SLC38A9: variants seen among roughly 807,000 people sequenced by gnomAD.
The protein encoded by SLC38A9 is solute carrier family 38 member 9.
SLC38A9 carries 48 observed loss-of-function variants against 62.3 expected under a neutral mutation model. The observed-to-expected ratio is 0.77, with a 90% CI of 0.61 to 0.98. SLC38A9 has a LOEUF of 0.98. Ranked by LOEUF, SLC38A9 falls within the 50% of genes least tolerant of loss-of-function variation. The probability of loss-of-function intolerance (pLI) is 0.00; values close to 1 mark genes in which losing one functional copy is unlikely to be tolerated. For missense variants in SLC38A9, 541 were observed against 679.8 expected, an observed-to-expected ratio of 0.80 and a Z score of 2.27; for synonymous variants, 204 against 227.7, an observed-to-expected ratio of 0.90 and a Z score of 0.94.
intron 12 of SLC38A9, among the ~76,000 whole-genome samples, chr5:55,644,332 CTATT>C (rs1745931844): frequency 3.8e-5 from 1 of 26,356 alleles, no homozygotes; most frequent in Non-Finnish European, 1.3e-4. Flanking sequence ...TACTATGTTG[CTATT>C]TGTTTTCTAT....
intron 12 of SLC38A9, among the ~76,000 whole-genome samples, 189 bp downstream of exon 12, chr5:55,645,600 C>A (rs1429289777): frequency 6.6e-6 from 1 of 152,174 alleles, no homozygotes; most frequent in Non-Finnish European, 1.5e-5. Context: ...GCCTACAAGG[C>A]CTGAAATATT....
intron 8 of SLC38A9, among the ~76,000 whole-genome samples, chr5:55,662,020 G>A (rs892139735): frequency 6.6e-6 from 1 of 152,102 alleles, no homozygotes; most frequent in African/African-American, 2.4e-5. Flanking sequence ...GTGGAACAAG[G>A]GTAACTTTCA....
intron 2 of SLC38A9, among the ~76,000 whole-genome samples, chr5:55,706,321 A>G (rs1319745130): frequency 6.6e-6 from 1 of 152,234 alleles, no homozygotes; most frequent in East Asian, 1.9e-4. Context: ...ACTCTGTAGT[A>G]TTGGTTCCTA....
chr5:55,676,712 G>A (rs1224697891), intron 3 of SLC38A9, among the ~76,000 whole-genome samples: 2 of 151,888 alleles, frequency 1.3e-5, no homozygotes, highest in East Asian at 1.9e-4. Context: ...CTTTTTCTAC[G>A]ACGACACATA....
intron 3 of SLC38A9, chr5:55,691,113 AC>A (rs1288616554): frequency 1.4e-6 from 1 of 702,944 alleles, no homozygotes; most frequent in Non-Finnish European, 2.6e-6. Context: ...CCTGTACCCC[AC>A]TTGGCTTATC....
At chr5:55,661,498 A>G (rs1174463383) in intron 8 of SLC38A9, among the ~76,000 whole-genome samples, 2 of 150,598 alleles carry the variant, frequency 1.3e-5, no homozygotes, top group African/African-American at 4.9e-5. Context: ...AATGATATCA[A>G]TTCTCTCCAC....
intron 3 of SLC38A9, chr5:55,696,736 C>CTGGG (rs1389250329): frequency 6.8e-6 from 1 of 147,114 alleles, no homozygotes; most frequent in African/African-American, 2.5e-5. Flanking sequence ...GGGGTGGCTG[C>CTGGG]CGGGCGGAGA....
rs1401955948 is a variant in SLC38A9 at position 55,687,283 on chromosome 5, C to T, written c.113+10563G>A. Among the ~76,000 whole-genome samples, 30 of 150,660 alleles carry T rather than the reference C, an allele frequency of 2.0e-4. No homozygotes were observed. In the East Asian group the frequency reaches 3.7e-3, roughly 19 times the overall value. On this transcript the variant is annotated intron_variant, in intron 3 of 15. Transcript: ENST00000396865. ...TCTACTAAAAATACAAAAAATTAGC[C>T]GGGCGCAGTGGCGGGCGCCTGTGGT...
chr5:55,632,058 C>T (rs1743560670), intron 14 of SLC38A9, among the ~76,000 whole-genome samples: 1 of 152,072 alleles, frequency 6.6e-6, no homozygotes, highest in African/African-American at 2.4e-5. Flanking sequence ...ACAATTATAG[C>T]AGTAATTTAA....
rs1747734160 is a variant in SLC38A9 at position 55,652,690 on chromosome 5, G to A, written c.791C>T (p.Pro264Leu). Reference protein sequence around the residue: ...ICPSAGSGGHPDNSSMIFYAN... With the variant: ...ICPSAGSGGHLDNSSMIFYAN... The stretch of plus-strand genomic sequence containing the variant: ...ATAGAAAATCATAGAGCTGTTGTCA[G>A]GATGGCCTCCACTCCCGGCACTTGG... The change falls in exon 10 of 16, where the codon CCT becomes CTT. Residue 264 changes from proline (P) to leucine (L), a missense_variant. By Grantham distance (98) the Pro-to-Leu change is moderately conservative (BLOSUM62 -3). Coordinates refer to ENST00000396865, the MANE Select transcript of SLC38A9 (RefSeq NM_173514.4). The A allele has an allele frequency of 1.9e-6, 3 of 1,613,046 alleles. No individual in the cohort carries two copies. Among genetic ancestry groups the A allele is most frequent in the Non-Finnish European group, 2.5e-6 (3 of 1,179,368 alleles).
chr5:55,639,104 T>C (rs1243309921), intron 12 of SLC38A9, among the ~76,000 whole-genome samples: 1 of 151,820 alleles, frequency 6.6e-6, no homozygotes, highest in African/African-American at 2.4e-5. Context: ...GATCACCCCA[T>C]TTCTACTAAA....
intron 8 of SLC38A9, among the ~76,000 whole-genome samples, chr5:55,663,618 A>T (rs1749997292): frequency 6.6e-6 from 1 of 152,056 alleles, no homozygotes; most frequent in Non-Finnish European, 1.5e-5. Context: ...CTGTAATCCC[A>T]GCTACTCGGA....
intron 3 of SLC38A9, among the ~76,000 whole-genome samples, chr5:55,679,887 G>A (rs968563701): frequency 6.6e-6 from 1 of 152,218 alleles, no homozygotes; most frequent in Non-Finnish European, 1.5e-5. Context: ...TTATTAGGAT[G>A]TCAAAATAAA....
At chr5:55,643,304 G>T (rs1745736092) in intron 12 of SLC38A9, among the ~76,000 whole-genome samples, 1 of 152,156 alleles carries the variant, frequency 6.6e-6, no homozygotes, top group African/African-American at 2.4e-5. Flanking sequence ...GGTTATTTAA[G>T]AGTATGCTGT....
chr5:55,672,478 C>A, intron 4 of SLC38A9, 85 bp downstream of exon 4: 1 of 1,470,936 alleles, frequency 6.8e-7, no homozygotes, highest in South Asian at 1.3e-5. Flanking sequence ...GAAAGAAGTT[C>A]AATCACTGGG....
intron 12 of SLC38A9, among the ~76,000 whole-genome samples, chr5:55,642,791 T>A (rs147348655): frequency 2.7e-4 from 41 of 152,300 alleles, no homozygotes; most frequent in Admixed American, 4.6e-4. Flanking sequence ...CCAGATTGAC[T>A]CAAGTCCAAC....
chr5:55,629,040 AG>A (rs142008255), intron 14 of SLC38A9, among the ~76,000 whole-genome samples: 7,439 of 152,230 alleles, frequency 0.049, 313 homozygotes, highest in African/African-American at 0.11. Flanking sequence ...GAAAGATATT[AG>A]GGCTTACAGA....
At chr5:55,695,420 T>C (rs7720049) in intron 3 of SLC38A9, among the ~76,000 whole-genome samples, 41,934 of 74,802 alleles carry the variant, frequency 0.56, 17,903 homozygotes, top group East Asian at 0.84. Flanking sequence ...TGCGGCCTTC[T>C]GCAGCGGTTG....
At chr5:55,658,155 C>CTTTTG (rs1554056747) in intron 8 of SLC38A9, 5 of 150,778 alleles carry the variant, frequency 3.3e-5, no homozygotes, top group Non-Finnish European at 7.4e-5. Flanking sequence ...TGACTGATGT[C>CTTTTG]TTTTATTTTA....
Sources: gnomAD v4.1 joint callset for allele counts (sites outside exome capture counted in the v4.1 genomes callset) on GRCh38, gnomAD v4.1.1 for gene constraint, MANE v1.5 for transcripts, NCBI Gene and HGNC (gene_info 2026-07-23, HGNC 2026-07-21) for gene names.